Variants in SYBU observed in about 807,000 individuals in gnomAD.
SYBU encodes syntabulin, also known as GOLSYN A protein.
Under a neutral mutation model 35.9 loss-of-function variants are expected in SYBU, and 21 were observed. That is an observed-to-expected ratio of 0.58 (90% CI 0.41 to 0.84). The LOEUF (loss-of-function observed/expected upper bound fraction) is 0.84, where lower values mean the gene tolerates loss of function less well. SYBU is among the 40% of genes least tolerant of loss of function. SYBU has a pLI of 0.00. For missense variants in SYBU, 768 were observed against 848.2 expected (o/e 0.91, Z 1.17); for synonymous variants, 319 against 324.3 (o/e 0.98, Z 0.18).
In SYBU at chr8:109,584,308, T is replaced by G. The variant is rs1424056582; in HGVS notation, c.530+1752A>C. ...TAATATGTCAAATTTTGACCATGAA[T>G]TCTAGACTAGAATATTTTCTCTTAG... On this transcript the variant is annotated intron_variant, in intron 4 of 6. Coordinates refer to ENST00000276646, the MANE Select transcript of SYBU (RefSeq NM_001099754.2). The surrounding 1 kb of genome is among the most constrained non-coding windows in gnomAD (Gnocchi z 4.0). 6.6e-6 allele frequency among the ~76,000 whole-genome samples: 1 copy of G among 152,218 alleles called. No homozygotes were observed. The highest frequency in any genetic ancestry group is 2.4e-5 in the African/African-American group (1 of 41,456).
chr8:109,646,895 A>G (rs184644415), upstream of SYBU: 20 of 152,196 alleles, frequency 1.3e-4, no homozygotes, highest in East Asian at 3.9e-3. Context: ...TCTGTCCACT[A>G]TTTGTCTCCA....
At chr8:109,640,170 T>A (rs545405894) in intron 2 of SYBU, among the ~76,000 whole-genome samples, 1 of 152,098 alleles carries the variant, frequency 6.6e-6, no homozygotes, top group Non-Finnish European at 1.5e-5. Flanking sequence ...ATCTAGTTAA[T>A]AGCAAAAAGA....
upstream of SYBU, among the ~76,000 whole-genome samples, chr8:109,681,223 TCTC>T (rs1369839417): frequency 2.0e-5 from 3 of 152,118 alleles, no homozygotes; most frequent in Non-Finnish European, 4.4e-5. Flanking sequence ...TTTCACCTCT[TCTC>T]CTTGGCGTGC....
chr8:109,618,855 G>A lies in SYBU; in HGVS notation c.414C>T (p.Gly138=), dbSNP rs775488441. The A allele has an allele frequency of 2.5e-6, 4 of 1,613,908 alleles. No homozygotes were observed. The highest frequency in any genetic ancestry group is 2.7e-5 in the African/African-American group (2 of 74,918). ...SSRYKKESKS[G]LVKPGSEADF... ...AAGTTCACTGACCTGGTTTCACAAG[G>A]CCTGACTTTGATTCCTTCTTATATC... The change falls in exon 3 of 7, where the codon GGC becomes GGT. Residue 138 remains glycine, a synonymous_variant. Transcript: ENST00000276646.
chr8:109,590,050 T>C (rs1221943532), intron 3 of SYBU, among the ~76,000 whole-genome samples: 1 of 151,624 alleles, frequency 6.6e-6, no homozygotes, highest in African/African-American at 2.4e-5. Context: ...CCATCCTCCT[T>C]CTCCACCCAT....
chr8:109,609,256 T>C (rs140456889), intron 3 of SYBU, among the ~76,000 whole-genome samples: 8 of 152,304 alleles, frequency 5.3e-5, no homozygotes, highest in African/African-American at 1.4e-4. Flanking sequence ...GCAAAAGACA[T>C]ATCCTTCTGA....
At chr8:109,688,110 C>G (rs1215364183) in intron 1 of SYBU, among the ~76,000 whole-genome samples, 1 of 151,998 alleles carries the variant, frequency 6.6e-6, no homozygotes, top group Admixed American at 6.6e-5. Context: ...TTAGGTGGTT[C>G]ATGGATGTCT....
chr8:109,632,080 G>A (rs961361218), intron 2 of SYBU, among the ~76,000 whole-genome samples: 7 of 152,056 alleles, frequency 4.6e-5, no homozygotes, highest in Non-Finnish European at 1.0e-4. Context: ...ACAGAGTTTC[G>A]CTCTTGTCGC....
intron 4 of SYBU, among the ~76,000 whole-genome samples, chr8:109,585,415 A>T (rs2129683721): frequency 6.6e-6 from 1 of 152,340 alleles, no homozygotes; most frequent in East Asian, 1.9e-4. Context: ...TATTTCACAG[A>T]TAAGGTAAAC....
At chr8:109,591,336 G>A (rs878973293) in intron 3 of SYBU, among the ~76,000 whole-genome samples, 2 of 152,112 alleles carry the variant, frequency 1.3e-5, no homozygotes, top group African/African-American at 4.8e-5. Flanking sequence ...TAATAGCGGT[G>A]TCTCTTGGGA....
At chr8:109,598,308 T>C (rs999143430) in intron 3 of SYBU, among the ~76,000 whole-genome samples, 16 of 152,264 alleles carry the variant, frequency 1.1e-4, no homozygotes, top group South Asian at 6.2e-4. Context: ...CTTAATTTAC[T>C]TGGCATAATA....
chr8:109,583,535 T>G (rs1321896202), intron 4 of SYBU, among the ~76,000 whole-genome samples: 2 of 152,216 alleles, frequency 1.3e-5, no homozygotes, highest in African/African-American at 4.8e-5. Flanking sequence ...CAGCTCCACC[T>G]GTTCCTCACA....
intron 2 of SYBU, among the ~76,000 whole-genome samples, chr8:109,628,926 A>C (rs1438279801): frequency 6.6e-6 from 1 of 152,196 alleles, no homozygotes; most frequent in East Asian, 1.9e-4. Flanking sequence ...ATTGTCATAG[A>C]AGGCTCCTGA....
At chr8:109,660,654 AAC>A (rs147258980) in intron 1 of SYBU, among the ~76,000 whole-genome samples, 14,343 of 152,244 alleles carry the variant, frequency 0.094, 771 homozygotes, top group South Asian at 0.23. Context: ...ATAAAAAACA[AAC>A]ACATCTATTA....
upstream of SYBU, chr8:109,646,922 T>A (rs1410260514): frequency 6.6e-6 from 1 of 152,190 alleles, no homozygotes. Flanking sequence ...TCGTGTAGAG[T>A]GTAAACCACA....
chr8:109,590,411 T>G (rs1360003578), intron 3 of SYBU, among the ~76,000 whole-genome samples: 8 of 43,166 alleles, frequency 1.9e-4, no homozygotes, highest in South Asian at 1.9e-3. Context: ...TATACAGGTG[T>G]TTTTTTTTTT....
At chr8:109,659,805 T>A (rs1816495794) in intron 1 of SYBU, among the ~76,000 whole-genome samples, 1 of 152,172 alleles carries the variant, frequency 6.6e-6, no homozygotes, top group Admixed American at 6.5e-5. Flanking sequence ...TAGGGGAAAA[T>A]ATATATTTAC....
intron 2 of SYBU, among the ~76,000 whole-genome samples, chr8:109,639,925 A>G (rs1164620706): frequency 6.6e-6 from 1 of 152,156 alleles, no homozygotes; most frequent in Admixed American, 6.5e-5. Context: ...GCTGCTGTCA[A>G]TTTTAGCCTA....
At position 109,591,462 on chromosome 8, in the gene SYBU, A is replaced by T. The variant is rs571571306; in HGVS notation, c.428-5300T>A. The stretch of plus-strand genomic sequence containing the variant: ...TATTATAAATTATATATAGGAGTGC[A>T]CTGATGTATGAACAATCCATTTTTT... On this transcript the variant is annotated intron_variant, in intron 3 of 6. Coordinates refer to ENST00000276646, the MANE Select transcript of SYBU (RefSeq NM_001099754.2). Among the ~76,000 whole-genome samples, 5 of 151,522 alleles carry T rather than the reference A, an allele frequency of 3.3e-5. No homozygotes were observed. In the East Asian group the frequency reaches 7.7e-4, roughly 23 times the overall value.
Sources: allele counts gnomAD v4.1 joint callset (sites outside exome capture counted in the v4.1 genomes callset), GRCh38; gene constraint gnomAD v4.1.1; non-coding constraint Gnocchi (gnomAD v3.1); transcripts MANE v1.5; gene names NCBI Gene and HGNC (gene_info 2026-07-23, HGNC 2026-07-21).